Variants in YWHAQ observed in about 807,000 individuals in gnomAD.
The protein encoded by YWHAQ is 14-3-3 protein theta.
YWHAQ carries 6 observed loss-of-function variants against 28.3 expected under a neutral mutation model. The ratio of observed to expected loss-of-function variants is 0.21; its 90% CI spans 0.12 to 0.42. The LOEUF is 0.42. YWHAQ is among the 10% of genes least tolerant of loss of function. The pLI is 1.00. For missense variants in YWHAQ, 201 were observed against 305.6 expected, an observed-to-expected ratio of 0.66 and a Z score of 2.55; for synonymous variants, 143 against 119.1, an observed-to-expected ratio of 1.20 and a Z score of -1.31.
In YWHAQ at chr2:9,630,145, C is replaced by A; in HGVS notation, c.294+14G>T. On this transcript the variant is annotated intron_variant, in intron 2 of 5. Transcript: ENST00000238081. The surrounding 1 kb of genome is among the most constrained non-coding windows in gnomAD (Gnocchi z 5.6). ...CACAAAAGGCCTCCCCTGCTCCCCG[C>A]GCCGAGGACTCACCAGCACCGTGGT... is the stretch of plus-strand genomic sequence containing the variant. 2 of 1,601,998 alleles carry A rather than the reference C, an allele frequency of 1.2e-6. No homozygotes were observed. The highest frequency in any genetic ancestry group is 1.7e-6 in the Non-Finnish European group (2 of 1,171,064).
chr2:9,629,549 T>C (rs1268342316), intron 2 of YWHAQ, among the ~76,000 whole-genome samples: 1 of 152,096 alleles, frequency 6.6e-6, no homozygotes, highest in Admixed American at 6.5e-5. Flanking sequence ...AGCAAGGAAA[T>C]GTTATTAAAT....
At chr2:9,626,071 T>C (rs528933449) in intron 2 of YWHAQ, among the ~76,000 whole-genome samples, 9 of 152,376 alleles carry the variant, frequency 5.9e-5, no homozygotes, top group Admixed American at 5.9e-4. Flanking sequence ...ACAAAGCTTT[T>C]ACACTAAGAC....
chr2:9,605,588 T>C (rs1666806795), intron 2 of YWHAQ, among the ~76,000 whole-genome samples: 2 of 152,172 alleles, frequency 1.3e-5, no homozygotes, highest in Admixed American at 1.3e-4. Flanking sequence ...TGAGACAGGG[T>C]CTCAATGCAT....
chr2:9,628,070 T>G (rs1158617129), intron 2 of YWHAQ, among the ~76,000 whole-genome samples: 1 of 152,240 alleles, frequency 6.6e-6, no homozygotes, highest in Non-Finnish European at 1.5e-5. Flanking sequence ...TCCACGGTTC[T>G]GTTTTGTTCC....
intron 2 of YWHAQ, among the ~76,000 whole-genome samples, chr2:9,598,229 T>C (rs1002756690): frequency 3.3e-5 from 5 of 152,176 alleles, no homozygotes; most frequent in Non-Finnish European, 2.9e-5. Context: ...TTGCAAAGCC[T>C]AATCAGATCC....
intron 2 of YWHAQ, among the ~76,000 whole-genome samples, chr2:9,613,256 A>G (rs757489845): frequency 1.3e-5 from 2 of 152,228 alleles, no homozygotes; most frequent in Non-Finnish European, 2.9e-5. Flanking sequence ...CAGACTAAAA[A>G]TCACATCACA....
At chr2:9,587,742 C>T (rs886269507) in intron 4 of YWHAQ, among the ~76,000 whole-genome samples, 4 of 152,200 alleles carry the variant, frequency 2.6e-5, no homozygotes, top group African/African-American at 4.8e-5. Context: ...CACAGGACAA[C>T]GGAACAGCAG....
At chr2:9,610,886 T>A (rs1351885302) in intron 2 of YWHAQ, among the ~76,000 whole-genome samples, 5 of 152,100 alleles carry the variant, frequency 3.3e-5, no homozygotes, top group Non-Finnish European at 7.4e-5. Context: ...ATTTTCTGTC[T>A]TAGGAAAAGT....
Position 9,630,562 on chromosome 2 carries a change from G to A in YWHAQ, c.-82-28C>T, listed in dbSNP as rs1457316506. The A allele has an allele frequency of 7.0e-6, 8 of 1,149,828 alleles. No homozygotes were observed. Among genetic ancestry groups the A allele is most frequent in the South Asian group, 6.5e-5 (4 of 61,654 alleles). The allele number at this position is 1,149,828 out of a possible 1,614,324, so 71.2% of individuals were successfully genotyped here. On this transcript the variant is annotated intron_variant, in intron 1 of 5. Transcript: ENST00000238081. The surrounding 1 kb of genome is among the most constrained non-coding windows in gnomAD (Gnocchi z 5.6). ...GCGGAGGGGCGGGGCGGCGAGGCGAGAACAAAAAGCAGAGAGGGAGCGCCG... is the reference window on the plus strand; with the variant it reads ...GCGGAGGGGCGGGGCGGCGAGGCGAAAACAAAAAGCAGAGAGGGAGCGCCG...
chr2:9,585,612 T>C (rs1350556383), intron 5 of YWHAQ, among the ~76,000 whole-genome samples: 2 of 152,104 alleles, frequency 1.3e-5, no homozygotes, highest in Admixed American at 6.6e-5. Context: ...TTCCTTTTTA[T>C]TTAAAAAGCA....
At chr2:9,623,154 G>C (rs1160953452) in intron 2 of YWHAQ, among the ~76,000 whole-genome samples, 1 of 152,198 alleles carries the variant, frequency 6.6e-6, no homozygotes, top group East Asian at 1.9e-4. Context: ...GCAGTCCTTT[G>C]TGAGAAGGGA....
intron 2 of YWHAQ, among the ~76,000 whole-genome samples, chr2:9,623,212 C>T (rs1667176048): frequency 6.6e-6 from 1 of 152,186 alleles, no homozygotes; most frequent in Non-Finnish European, 1.5e-5. Flanking sequence ...AGACGTTAAA[C>T]CTTCTGGTCA....
In YWHAQ at chr2:9,630,613, T is replaced by C; in HGVS notation, c.-82-79A>G. ...TCAGACAATGCGGCCCGCCGCCCGC[T>C]TTTGTCTCCCGCACACGCGGCCGCT... On this transcript the variant is annotated intron_variant, in intron 1 of 5. Transcript: ENST00000238081. This position sits in a 1 kb window ranked among gnomAD's most constrained non-coding sequence, Gnocchi z 5.6. 1.5e-6 allele frequency: 1 copy of C among 650,748 alleles called. No homozygotes were observed. Among genetic ancestry groups the C allele is most frequent in the Non-Finnish European group, 2.4e-6 (1 of 408,326 alleles). 40.3% of individuals were successfully genotyped at this position (650,748 alleles called of 1,614,324 possible). A position where few individuals can be genotyped will look rare whatever the true frequency, so the allele number is the denominator to read the frequency against.
intron 2 of YWHAQ, among the ~76,000 whole-genome samples, chr2:9,601,972 A>G (rs558492146): frequency 6.6e-6 from 1 of 152,322 alleles, no homozygotes; most frequent in African/African-American, 2.4e-5. Context: ...ATAAAAACAA[A>G]AAGTTGTCTA....
intron 5 of YWHAQ, among the ~76,000 whole-genome samples, chr2:9,585,912 CAAAAAA>C (rs34640890): frequency 8.2e-6 from 1 of 122,122 alleles, no homozygotes. Context: ...GATCCTTTCT[CAAAAAA>C]AAAAAAAAAA....
intron 2 of YWHAQ, among the ~76,000 whole-genome samples, chr2:9,597,533 C>G (rs1477028870): frequency 6.7e-6 from 1 of 149,774 alleles, no homozygotes; most frequent in Non-Finnish European, 1.5e-5. Flanking sequence ...GTAATCCCAG[C>G]TACTCGGGAG....
At chr2:9,592,514 A>C (rs1666477662) in intron 2 of YWHAQ, among the ~76,000 whole-genome samples, 1 of 152,108 alleles carries the variant, frequency 6.6e-6, no homozygotes, top group Admixed American at 6.5e-5. Context: ...TAACAAGGTC[A>C]GGAGTTCGAG....
At chr2:9,600,191 G>A (rs1011157751) in intron 2 of YWHAQ, among the ~76,000 whole-genome samples, 1 of 152,228 alleles carries the variant, frequency 6.6e-6, no homozygotes, top group Non-Finnish European at 1.5e-5. Flanking sequence ...TTGAACAGAT[G>A]AGAACTTGCT....
At chr2:9,622,290 TTG>T (rs1191582003) in intron 2 of YWHAQ, among the ~76,000 whole-genome samples, 1 of 152,086 alleles carries the variant, frequency 6.6e-6, no homozygotes. Flanking sequence ...CATAAACAGG[TTG>T]TGTTTGTTCT....
Sources: allele counts gnomAD v4.1 joint callset (sites outside exome capture counted in the v4.1 genomes callset), GRCh38; gene constraint gnomAD v4.1.1; non-coding constraint Gnocchi (gnomAD v3.1); transcripts MANE v1.5; gene names NCBI Gene and HGNC (gene_info 2026-07-23, HGNC 2026-07-21).